SNX15: variants seen among roughly 807,000 people sequenced by gnomAD.
SNX15 encodes sorting nexin 15, also known as sorting nexin-15.
In SNX15, 29 loss-of-function variants were observed where a neutral mutation model predicts 35.2. That is an observed-to-expected ratio of 0.82 (90% CI 0.61 to 1.12). SNX15 has a LOEUF of 1.12. SNX15 is among the 50% of genes most tolerant of loss of function. SNX15 has a pLI of 0.00. For missense variants in SNX15, 400 were observed against 451.5 expected (o/e 0.89, Z 1.03); for synonymous variants, 189 against 188.2 (o/e 1.00, Z -0.03).
Position 65,039,766 on chromosome 11 carries a change from C to G in SNX15, c.1003C>G (p.Leu335Val). ...YLKRAEEILR[L>V]HLSQLPP ...GAAGCGGGCAGAGGAGATCCTGCGC[C>G]TGCACCTGTCTCAACTCCCACCCTA... Residue 335 changes from leucine to valine, a missense_variant, in exon 8 of 8, where the codon CTG (leucine) becomes GTG (valine). Leu to Val is a conservative substitution (Grantham distance 32). Coordinates refer to ENST00000377244, the MANE Select transcript of SNX15 (RefSeq NM_013306.5). The G allele has an allele frequency of 6.2e-7, 1 of 1,612,888 alleles. No homozygotes were observed. The highest frequency in any genetic ancestry group is 1.1e-5 in the South Asian group (1 of 90,794).
intron 1 of SNX15, among the ~76,000 whole-genome samples, chr11:65,028,217 G>T (rs1411314686): frequency 1.3e-5 from 2 of 152,094 alleles, no homozygotes; most frequent in African/African-American, 4.8e-5. Context: ...AGACATGGAG[G>T]AAACCATGAC....
At chr11:65,037,278 A>G (rs778602700) in intron 6 of SNX15, 6 of 152,096 alleles carry the variant, frequency 3.9e-5, no homozygotes, top group Non-Finnish European at 5.9e-5. Flanking sequence ...CAGTGGTGCG[A>G]TCACGGCTCA....
At position 65,032,445 on chromosome 11, in the gene SNX15, G is replaced by A; in HGVS notation, c.150G>A (p.Lys50=). The change falls in exon 3 of 8, where the codon AAG becomes AAA. Residue 50 remains lysine, a synonymous_variant. Transcript: ENST00000377244. ...GTACCTCATAGGTGGTGGTCTGGAA[G>A]CGGTACAGCGACTTCCGCAAGCTGC... ...PEDVKEVVVW[K]RYSDFRKLHG... 1 of 1,614,188 alleles carries A rather than the reference G, an allele frequency of 6.2e-7. No homozygotes were observed. Among genetic ancestry groups the A allele is most frequent in the East Asian group, 2.2e-5 (1 of 44,890 alleles).
intron 5 of SNX15, 59 bp from the exon 6 acceptor site, chr11:65,035,461 T>C: frequency 6.6e-7 from 1 of 1,518,658 alleles, no homozygotes; most frequent in African/African-American, 1.4e-5. Context: ...AGAGTAATTC[T>C]ATTTTGAAAG....
Position 65,034,896 on chromosome 11 carries a change from C to G in SNX15, c.306C>G (p.Asp102Glu). The change falls in exon 4 of 8, where the codon GAC becomes GAG. Residue 102 changes from aspartate (D) to glutamate (E), a missense_variant. By Grantham distance (45) the Asp-to-Glu change is conservative (BLOSUM62 2). Transcript: ENST00000377244. ...AGGAGCGGCGAAAGGGGGCAGAGGACCTGCTTCGCTTCACTGTGCACATAC... is the reference window on the plus strand; with the variant it reads ...AGGAGCGGCGAAAGGGGGCAGAGGAGCTGCTTCGCTTCACTGTGCACATAC... ...VIEERRKGAE[D>E]LLRFTVHIPA... The G allele has an allele frequency of 6.2e-7, 1 of 1,614,078 alleles. No homozygotes were observed. Among genetic ancestry groups the G allele is most frequent in the South Asian group, 1.1e-5 (1 of 91,084 alleles).
At chr11:65,032,329 G>A in intron 2 of SNX15, 102 bp from the exon 3 acceptor site, 1 of 1,592,604 alleles carries the variant, frequency 6.3e-7, no homozygotes. Flanking sequence ...AGGGGCTGCT[G>A]CAGCTGCTTC....
At position 65,039,975 on chromosome 11, in the gene SNX15, A is replaced by C. The variant is rs664118; in HGVS notation, c.*183A>C. On this transcript the variant is annotated 3_prime_UTR_variant, in exon 8 of 8. Transcript: ENST00000377244. ...TGATTACACCTGCCACCTTGGAATCAAGGACTCACACTTCTGACCCTGCCT... is the reference window on the plus strand; with the variant it reads ...TGATTACACCTGCCACCTTGGAATCCAGGACTCACACTTCTGACCCTGCCT... 0.91 allele frequency: 484,570 copies of C among 533,180 alleles called. 220,928 individuals carry two copies. The highest frequency in any genetic ancestry group is 0.95 in the East Asian group (31,336 of 33,142). 33.0% of individuals were successfully genotyped at this position (533,180 alleles called of 1,614,324 possible). A position where few individuals can be genotyped will look rare whatever the true frequency, so the allele number is the denominator to read the frequency against.
chr11:65,033,543 CAAAA>C (rs35724941), intron 3 of SNX15, among the ~76,000 whole-genome samples: 3 of 86,462 alleles, frequency 3.5e-5, no homozygotes, highest in African/African-American at 9.0e-5. Context: ...GACTCCGTCT[CAAAA>C]AAAAAAAAAA....
chr11:65,031,240 C>CA (rs1946436413), intron 1 of SNX15, among the ~76,000 whole-genome samples: 1 of 152,114 alleles, frequency 6.6e-6, no homozygotes, highest in Non-Finnish European at 1.5e-5. Context: ...CCCAGGCTGG[C>CA]CTCAAACTCC....
chr11:65,030,877 G>A (rs894224664), intron 1 of SNX15, among the ~76,000 whole-genome samples: 10 of 152,062 alleles, frequency 6.6e-5, no homozygotes, highest in Non-Finnish European at 1.2e-4. Context: ...CAAAGTCCAG[G>A]GTTTTAGTCC....
intron 1 of SNX15, among the ~76,000 whole-genome samples, chr11:65,031,734 T>C (rs1270485665): frequency 2.6e-5 from 4 of 152,160 alleles, no homozygotes; most frequent in African/African-American, 9.7e-5. Context: ...GGAAACCCCA[T>C]CTCTACTAAA....
At position 65,035,563 on chromosome 11, in the gene SNX15, C is replaced by A. The variant is rs1262466728; in HGVS notation, c.564C>A (p.Leu188=). The change falls in exon 6 of 8, where the codon CTC becomes CTA. Residue 188 remains leucine (L), a synonymous_variant. Transcript: ENST00000377244. The part of the protein sequence containing the change: ...PSSPAQEALD[L]LFNCESTEEA... ...GCCCTGCCCAGGAGGCCCTGGATCT[C>A]CTCTTTAACTGTGAGAGCACCGAGG... 6.2e-7 allele frequency: 1 copy of A among 1,613,724 alleles called. No individual in the cohort carries two copies. The highest frequency in any genetic ancestry group is 1.3e-5 in the African/African-American group (1 of 74,924).
At chr11:65,028,728 T>TG (rs1446208043) in intron 1 of SNX15, among the ~76,000 whole-genome samples, 1 of 147,102 alleles carries the variant, frequency 6.8e-6, no homozygotes, top group African/African-American at 2.5e-5. Context: ...AGATTGTCCC[T>TG]GGGAAGATAG....
chr11:65,027,485 G>T lies in SNX15; in HGVS notation c.-53G>T. Reference sequence around the variant, plus strand: ...CGGGCGGAGGCTGGGCCGGAGGGGTGGGGACGGCGAGGAGGTGGAGGCCGG... The same window carrying T: ...CGGGCGGAGGCTGGGCCGGAGGGGTTGGGACGGCGAGGAGGTGGAGGCCGG... On this transcript the variant is annotated 5_prime_UTR_variant, in exon 1 of 8. Coordinates refer to ENST00000377244, the MANE Select transcript of SNX15 (RefSeq NM_013306.5). The T allele has an allele frequency of 6.9e-7, 1 of 1,442,618 alleles. No homozygotes were observed. 89.4% of individuals were successfully genotyped at this position (1,442,618 alleles called of 1,614,324 possible).
intron 6 of SNX15, chr11:65,037,064 A>C (rs1343348027): frequency 2.0e-5 from 3 of 152,174 alleles, no homozygotes; most frequent in Non-Finnish European, 4.4e-5. Flanking sequence ...AGGGAAAGGC[A>C]ATGTTGGTGT....
At chr11:65,032,655 CAGAGTCATGTTT>C in intron 3 of SNX15, 104 bp downstream of exon 3, 1 of 1,428,026 alleles carries the variant, frequency 7.0e-7, no homozygotes, top group Non-Finnish European at 9.7e-7. Flanking sequence ...AAACCCTGGG[CAGAGTCATGTTT>C]GGAAGGGCCC....
At chr11:65,027,918 G>A (rs1175892592) in intron 1 of SNX15, among the ~76,000 whole-genome samples, 1 of 152,186 alleles carries the variant, frequency 6.6e-6, no homozygotes, top group Non-Finnish European at 1.5e-5. Context: ...ATCAGGCTGT[G>A]AATTTCTCTA....
In SNX15 at chr11:65,027,655, C is replaced by T; in HGVS notation, c.99+19C>T. 1 of 1,585,442 alleles carries T rather than the reference C, an allele frequency of 6.3e-7. No individual in the cohort carries two copies. On this transcript the variant is annotated intron_variant, in intron 1 of 7. Coordinates refer to ENST00000377244, the MANE Select transcript of SNX15 (RefSeq NM_013306.5). ...CGCGCAGGTGAGGTGGGGCCCAGCG[C>T]GTACTTTACCCTTTTAACTAGAGGG... is the stretch of plus-strand genomic sequence containing the variant.
chr11:65,038,854 G>A, intron 7 of SNX15, 25 bp downstream of exon 7: 1 of 1,526,838 alleles, frequency 6.5e-7, no homozygotes, highest in Admixed American at 2.1e-5. Flanking sequence ...AGGGTGGAGG[G>A]TCAGGCCTGG....
Sources: gnomAD v4.1 joint callset for allele counts (sites outside exome capture counted in the v4.1 genomes callset) on GRCh38, gnomAD v4.1.1 for gene constraint, MANE v1.5 for transcripts, NCBI Gene and HGNC (gene_info 2026-07-23, HGNC 2026-07-21) for gene names.